TRIM15: variants seen among roughly 807,000 people sequenced by gnomAD.
TRIM15 encodes the protein tripartite motif containing 15.
In TRIM15, 35 loss-of-function variants were observed where a neutral mutation model predicts 35.8. The ratio of observed to expected loss-of-function variants is 0.98; its 90% confidence interval spans 0.75 to 1.30. The LOEUF is 1.30. TRIM15 is among the 50% of genes most tolerant of loss of function. The pLI is 0.00. For missense variants in TRIM15, 590 were observed against 593.5 expected (o/e 0.99, Z 0.06); for synonymous variants, 252 against 249.8 (o/e 1.01, Z -0.08).
chr6:30,170,434 C>T, intron 4 of TRIM15, 67 bp from the exon 5 acceptor site: 1 of 941,078 alleles, frequency 1.1e-6, no homozygotes, highest in South Asian at 1.4e-5. Context: ...ATTTTAGCCT[C>T]ACGTGGTCTC....
Position 30,163,647 on chromosome 6 carries a change from G to T in TRIM15, c.-38G>T. 2 of 1,566,500 alleles carry T rather than the reference G, an allele frequency of 1.3e-6. No homozygotes were observed. Among genetic ancestry groups the T allele is most frequent in the Non-Finnish European group, 8.7e-7 (1 of 1,154,950 alleles). ...CAGGGAAAGGGAACTCGCGTGGGCT[G>T]AGGAGACCGGAGTGGACGGGCTGGG... On this transcript the variant is annotated 5_prime_UTR_variant, in exon 1 of 7. Transcript: ENST00000376694.
intron 1 of TRIM15, 92 bp from the exon 2 acceptor site, chr6:30,167,084 C>T (rs1160307743): frequency 3.2e-5 from 37 of 1,146,078 alleles, no homozygotes; most frequent in Non-Finnish European, 4.8e-5. Flanking sequence ...AACCCCTCAG[C>T]ACTCAACAGT....
At position 30,172,337 on chromosome 6, in the gene TRIM15, G is replaced by C; in HGVS notation, c.1386G>C (p.Thr462=). ...TCTGGAAAAAAGGTTCCTGCCTTAC[G>C]CTGAAAGGCTGAAGTGGGGCGCGCG... ...FAVWKKGSCL[T]LKG Residue 462 remains threonine (T), a synonymous_variant, in exon 7 of 7, where the codon ACG becomes ACC. Coordinates refer to ENST00000376694, the MANE Select transcript of TRIM15 (RefSeq NM_033229.3). 2 of 1,604,354 alleles carry C rather than the reference G, an allele frequency of 1.2e-6. No individual in the cohort carries two copies. Among genetic ancestry groups the C allele is most frequent in the Admixed American group, 1.7e-5 (1 of 59,350 alleles).
In TRIM15 at chr6:30,172,343, A is replaced by G; in HGVS notation, c.1392A>G (p.Lys464=). 6.2e-7 allele frequency: 1 copy of G among 1,602,080 alleles called. No individual in the cohort carries two copies. Among genetic ancestry groups the G allele is most frequent in the Non-Finnish European group, 8.5e-7 (1 of 1,173,922 alleles). The change falls in exon 7 of 7, where the codon AAA becomes AAG. Residue 464 remains lysine, a synonymous_variant. Transcript: ENST00000376694. ...AAAAAGGTTCCTGCCTTACGCTGAA[A>G]GGCTGAAGTGGGGCGCGCGAAGGGC... The part of the protein sequence containing the change: ...VWKKGSCLTL[K]G
chr6:30,171,478 A>G (rs1337302086), intron 6 of TRIM15, among the ~76,000 whole-genome samples: 2 of 152,212 alleles, frequency 1.3e-5, no homozygotes, highest in Non-Finnish European at 2.9e-5. Flanking sequence ...CATAAGCATC[A>G]CCTCACTCAC....
Position 30,172,568 on chromosome 6 carries a change from C to A in TRIM15, c.*219C>A. ...TGTGACGCTCTGGCCTTCTCTGTAC[C>A]TCAGAGTGCAGAACCACAGACGGCT... On this transcript the variant is annotated 3_prime_UTR_variant, in exon 7 of 7. Transcript: ENST00000376694. 1 of 750,448 alleles carries A rather than the reference C, an allele frequency of 1.3e-6. No individual in the cohort carries two copies. Among genetic ancestry groups the A allele is most frequent in the Non-Finnish European group, 2.3e-6 (1 of 431,942 alleles). 46.5% of individuals were successfully genotyped at this position (750,448 alleles called of 1,614,324 possible). A position where few individuals can be genotyped will look rare whatever the true frequency, so the allele number is the denominator to read the frequency against.
In TRIM15 at chr6:30,169,276, C is replaced by G; in HGVS notation, c.731+13C>G. The G allele has an allele frequency of 6.2e-7, 1 of 1,613,082 alleles. No homozygotes were observed. Among genetic ancestry groups the G allele is most frequent in the South Asian group, 1.1e-5 (1 of 91,072 alleles). On this transcript the variant is annotated intron_variant, in intron 4 of 6. Transcript: ENST00000376694. The stretch of plus-strand genomic sequence containing the variant: ...TCAACCAGAGCAGGTAGGGCCCACT[C>G]CCCGGTCCTGCCTCCTTTTACTCAA...
intron 5 of TRIM15, 25 bp downstream of exon 5, chr6:30,170,641 T>C (rs768766396): frequency 6.3e-7 from 1 of 1,575,328 alleles, no homozygotes; most frequent in Non-Finnish European, 8.7e-7. Flanking sequence ...GCCACAGTTT[T>C]CCCCAGTCCC....
intron 3 of TRIM15, 192 bp downstream of exon 3, chr6:30,168,722 T>A: frequency 1.6e-6 from 1 of 629,036 alleles, no homozygotes; most frequent in Non-Finnish European, 2.8e-6. Context: ...GGTCAGACAG[T>A]CTTGGATTTG....
chr6:30,164,185 A>G, intron 1 of TRIM15, 120 bp downstream of exon 1: 1 of 1,413,872 alleles, frequency 7.1e-7, no homozygotes, highest in South Asian at 1.4e-5. Flanking sequence ...CTAAGGTTAC[A>G]GGGACTTTCG....
rs1773767204 is a variant in TRIM15, at chr6:30,168,434, A to C, written c.612A>C (p.Glu204Asp). 2 of 1,612,660 alleles carry C rather than the reference A, an allele frequency of 1.2e-6. No homozygotes were observed. The highest frequency in any genetic ancestry group is 1.7e-6 in the Non-Finnish European group (2 of 1,179,910). ...LEQQIWKERD[E>D]YITKVSEEVT... ...AGCAGATTTGGAAGGAGAGGGATGA[A>C]TATATCACAAAGGTCTCTGAGGAAG... The change falls in exon 3 of 7, where the codon GAA (glutamate) becomes GAC (aspartate). Residue 204 changes from glutamate to aspartate, a missense_variant. Coordinates refer to ENST00000376694, the MANE Select transcript of TRIM15 (RefSeq NM_033229.3).
chr6:30,171,693 T>C, intron 6 of TRIM15, 139 bp from the exon 7 acceptor site: 5 of 1,143,340 alleles, frequency 4.4e-6, no homozygotes, highest in Non-Finnish European at 5.9e-6. Context: ...GCTGATTAGG[T>C]AGAAGGGCGG....
intron 1 of TRIM15, among the ~76,000 whole-genome samples, chr6:30,164,803 G>T (rs1465297593): frequency 6.6e-6 from 1 of 152,018 alleles, no homozygotes; most frequent in Non-Finnish European, 1.5e-5. Context: ...TCACTCATCT[G>T]CACAAAATCC....
At chr6:30,168,614 G>T in intron 3 of TRIM15, 84 bp downstream of exon 3, 1 of 1,311,702 alleles carries the variant, frequency 7.6e-7, no homozygotes. Context: ...GCTGGAGAGA[G>T]GCAGGAAAGG....
At chr6:30,169,325 C>G (rs1219351897) in intron 4 of TRIM15, 62 bp downstream of exon 4, 1 of 1,600,950 alleles carries the variant, frequency 6.2e-7, no homozygotes. Flanking sequence ...TGGGAAGGGG[C>G]AGGGGCACTT....
intron 6 of TRIM15, 43 bp downstream of exon 6, chr6:30,171,051 A>G: frequency 6.3e-7 from 1 of 1,597,332 alleles, no homozygotes; most frequent in Non-Finnish European, 8.5e-7. Flanking sequence ...CCATTCATCC[A>G]TTCAATCCAT....
chr6:30,172,352 TG>T lies in TRIM15; in HGVS notation c.*7del. On this transcript the variant is annotated 3_prime_UTR_variant, in exon 7 of 7. Transcript: ENST00000376694. ...CCTGCCTTACGCTGAAAGGCTGAAG[TG>T]GGGCGCGCGAAGGGCGGCGAAGCGG... 6.3e-7 allele frequency: 1 copy of T among 1,591,174 alleles called. No homozygotes were observed.
At chr6:30,164,297 G>A (rs1443868531) in intron 1 of TRIM15, among the ~76,000 whole-genome samples, 1 of 152,184 alleles carries the variant, frequency 6.6e-6, no homozygotes, top group Non-Finnish European at 1.5e-5. Context: ...CCCCACAGAG[G>A]TGGAGTGCAA....
rs1207882226 is a variant in TRIM15, at chr6:30,172,186, C to T, written c.1235C>T (p.Pro412Leu). The change falls in exon 7 of 7, where the codon CCG becomes CTG. Residue 412 changes from proline (P) to leucine (L), a missense_variant. Physicochemically the swap from Pro to Leu is moderately conservative, Grantham distance 98. Coordinates refer to ENST00000376694, the MANE Select transcript of TRIM15 (RefSeq NM_033229.3). Reference sequence around the variant, plus strand: ...ACCGACCTGCCGCTGAGCGAGATCCCGCGCGGCGTGAGAGTCGCCCTGGAC... The same window carrying T: ...ACCGACCTGCCGCTGAGCGAGATCCTGCGCGGCGTGAGAGTCGCCCTGGAC... Reference protein sequence around the residue: ...PGTDLPLSEIPRGVRVALDYE... With the variant: ...PGTDLPLSEILRGVRVALDYE... 2.5e-6 allele frequency: 4 copies of T among 1,607,530 alleles called. No individual in the cohort carries two copies. In the Admixed American group the frequency reaches 6.8e-5, roughly 27 times the overall value.
Sources: allele counts gnomAD v4.1 joint callset (sites outside exome capture counted in the v4.1 genomes callset), GRCh38; gene constraint gnomAD v4.1.1; transcripts MANE v1.5; gene names NCBI Gene and HGNC (gene_info 2026-07-23, HGNC 2026-07-21).